The following SND1 variants were observed in gnomAD, a reference collection of about 807,000 sequenced individuals.
The protein encoded by SND1 is staphylococcal nuclease domain-containing protein 1.
In SND1, 38 loss-of-function variants were observed where a neutral mutation model predicts 121.7. That is an observed-to-expected ratio of 0.31 (90% CI 0.24 to 0.41). The LOEUF is 0.41. SND1 is among the 10% of genes least tolerant of loss of function. SND1 has a pLI of 1.00. For synonymous variants in SND1, 401 were observed against 447.4 expected (o/e 0.90, Z 1.31); for missense variants, 868 against 1,184.6 (o/e 0.73, Z 3.92).
chr7:127,906,150 A>T (rs186532184), intron 14 of SND1, among the ~76,000 whole-genome samples: 1 of 152,172 alleles, frequency 6.6e-6, no homozygotes, highest in South Asian at 2.1e-4. Context: ...TACCTACAAC[A>T]TGTTAACTGG....
rs777991013 is a variant in SND1, at chr7:127,844,274, A to C, written c.1243-50A>C. ...GAGCAGGCACATGTGGCTGCTAGTG[A>C]GCTATGTTGCAGACTCTCAACCCTA... On this transcript the variant is annotated intron_variant, in intron 11 of 23. Coordinates refer to ENST00000354725, the MANE Select transcript of SND1 (RefSeq NM_014390.4). 15 of 1,455,860 alleles carry C rather than the reference A, an allele frequency of 1.0e-5. No homozygotes were observed. In the East Asian group the frequency reaches 3.2e-4, roughly 32 times the overall value. 90.2% of individuals were successfully genotyped at this position (1,455,860 alleles called of 1,614,324 possible).
intron 11 of SND1, 65 bp downstream of exon 11, chr7:127,807,638 A>G (rs961770049): frequency 2.1e-5 from 27 of 1,265,402 alleles, no homozygotes; most frequent in Non-Finnish European, 2.9e-5. Flanking sequence ...TTTGGAGGCA[A>G]TTGTTATAAG....
At chr7:127,812,339 C>T (rs1198418293) in intron 11 of SND1, among the ~76,000 whole-genome samples, 1 of 152,090 alleles carries the variant, frequency 6.6e-6, no homozygotes, top group Non-Finnish European at 1.5e-5. Context: ...TGCTTTTAGC[C>T]CTCTAGACAG....
chr7:127,767,264 G>A (rs1343448704), intron 10 of SND1, among the ~76,000 whole-genome samples: 5 of 152,270 alleles, frequency 3.3e-5, no homozygotes, highest in African/African-American at 1.2e-4. Flanking sequence ...GACATGAAGA[G>A]GAGAAGAGCT....
chr7:127,989,845 A>T (rs1802482072), intron 15 of SND1, among the ~76,000 whole-genome samples: 2 of 152,236 alleles, frequency 1.3e-5, no homozygotes, highest in African/African-American at 2.4e-5. Flanking sequence ...TAAGTCTCAG[A>T]TATCAAAATG....
chr7:127,953,217 T>A (rs1304414001), intron 15 of SND1, among the ~76,000 whole-genome samples: 1 of 70,794 alleles, frequency 1.4e-5, no homozygotes, highest in East Asian at 2.5e-4. Context: ...TGTGTGTGTG[T>A]GTGTATGTAT....
intron 18 of SND1, among the ~76,000 whole-genome samples, chr7:128,083,123 G>A (rs1259105194): frequency 2.0e-5 from 3 of 152,120 alleles, no homozygotes; most frequent in Non-Finnish European, 4.4e-5. Context: ...CTCTTGGGTG[G>A]CATCCTCTCA....
intron 14 of SND1, among the ~76,000 whole-genome samples, chr7:127,915,365 T>G (rs1800551948): frequency 6.6e-6 from 1 of 152,132 alleles, no homozygotes. Flanking sequence ...TCAGTAATAT[T>G]TACATTGCAA....
At chr7:127,740,644 A>G (rs955633139) in intron 10 of SND1, among the ~76,000 whole-genome samples, 6 of 152,234 alleles carry the variant, frequency 3.9e-5, no homozygotes, top group Non-Finnish European at 7.3e-5. Context: ...TAATTAGTGT[A>G]CATGCCCCAG....
intron 16 of SND1, among the ~76,000 whole-genome samples, chr7:128,044,229 T>C (rs1244574408): frequency 6.6e-6 from 1 of 152,258 alleles, no homozygotes; most frequent in African/African-American, 2.4e-5. Context: ...CCAATGGCAC[T>C]TGTGGTTTGT....
intron 10 of SND1, among the ~76,000 whole-genome samples, chr7:127,783,471 C>T (rs375946228): frequency 2.0e-5 from 3 of 152,144 alleles, no homozygotes; most frequent in Non-Finnish European, 2.9e-5. Context: ...ACAGCAGATT[C>T]GTTTGATGTC....
intron 15 of SND1, among the ~76,000 whole-genome samples, chr7:127,988,812 C>T (rs1181740863): frequency 6.6e-6 from 1 of 152,172 alleles, no homozygotes; most frequent in African/African-American, 2.4e-5. Flanking sequence ...AGCAGCCCCA[C>T]CCAACAGCAC....
intron 16 of SND1, among the ~76,000 whole-genome samples, chr7:128,059,563 A>G (rs1376798534): frequency 2.0e-5 from 3 of 152,124 alleles, no homozygotes; most frequent in Non-Finnish European, 4.4e-5. Context: ...AACCCTAATC[A>G]TTTTTTGAAT....
intron 15 of SND1, among the ~76,000 whole-genome samples, chr7:127,971,509 T>G (rs1432920719): frequency 6.6e-6 from 1 of 152,172 alleles, no homozygotes; most frequent in Non-Finnish European, 1.5e-5. Flanking sequence ...GTCTTAGACA[T>G]TCTCAGTAAA....
chr7:128,075,831 C>G (rs1269288751), intron 17 of SND1, among the ~76,000 whole-genome samples: 1 of 152,258 alleles, frequency 6.6e-6, no homozygotes, highest in Non-Finnish European at 1.5e-5. Flanking sequence ...GAGGGGGAAG[C>G]AGGCAGCCTC....
At chr7:128,075,308 G>A (rs1031329616) in intron 17 of SND1, among the ~76,000 whole-genome samples, 5 of 152,200 alleles carry the variant, frequency 3.3e-5, no homozygotes, top group African/African-American at 4.8e-5. Flanking sequence ...CTTATAGCCC[G>A]GCCCTGATAA....
At chr7:127,913,080 A>G (rs12706822) in intron 14 of SND1, among the ~76,000 whole-genome samples, 33,887 of 152,092 alleles carry the variant, frequency 0.22, 4,257 homozygotes, top group Middle Eastern at 0.32. Context: ...GTCCTTTGAT[A>G]TGAGTGTCCT....
chr7:128,084,956 A>G (rs1793664119), intron 19 of SND1, 109 bp downstream of exon 19: 1 of 1,171,638 alleles, frequency 8.5e-7, no homozygotes, highest in Non-Finnish European at 1.2e-6. Context: ...CTGGTTAATG[A>G]TGGCCCCTAG....
At chr7:127,706,252 T>G in intron 8 of SND1, among the ~76,000 whole-genome samples, 1 of 63,058 alleles carries the variant, frequency 1.6e-5, no homozygotes, top group East Asian at 5.6e-4. Context: ...TTGCCCCCCC[T>G]CCCCCCCCCC....
Sources: allele counts gnomAD v4.1 joint callset (sites outside exome capture counted in the v4.1 genomes callset), GRCh38; gene constraint gnomAD v4.1.1; transcripts MANE v1.5; gene names NCBI Gene and HGNC (gene_info 2026-07-23, HGNC 2026-07-21).